Variants in TPRX1 observed in about 807,000 individuals in gnomAD.
TPRX1 encodes the protein tetra-peptide repeat homeobox protein 1.
In TPRX1, 2 loss-of-function variants were observed where a neutral mutation model predicts 8.1. That is an observed-to-expected ratio of 0.25 (90% CI 0.10 to 0.78). The LOEUF is 0.78. TPRX1 is among the 30% of genes least tolerant of loss of function. The pLI is 0.70. For synonymous variants in TPRX1, 257 were observed against 254.1 expected (o/e 1.01, Z -0.11); for missense variants, 517 against 586.9 (o/e 0.88, Z 1.23).
At chr19:47,801,697 C>T (rs1266243445) in exon 4 of TPRX1, 8 of 1,513,502 alleles carry the variant, frequency 5.3e-6, no homozygotes, top group Non-Finnish European at 6.2e-6. Context: ...GATGCATTCA[C>T]TGCAGAAAGT....
rs1396712096 is a variant in TPRX1, at chr19:47,818,281, CCCAT to C, written c.151+183_151+186del. Among the ~76,000 whole-genome samples the C allele has an allele frequency of 2.3e-3, 244 of 106,524 alleles. 7 individuals carry two copies. Among genetic ancestry groups the C allele is most frequent in the African/African-American group, 0.012 (236 of 20,230 alleles). 69.9% of individuals were successfully genotyped at this position (106,524 alleles called of 152,430 possible). On this transcript the variant is annotated intron_variant, in intron 2 of 3. Transcript: ENST00000535759. ...CATCCATCCATCCATCCATCCATCA[CCCAT>C]CCATCCATCCATCCACCCATCCATC...
chr19:47,811,496 CTTTTTTTTT>C (rs34677329), intron 2 of TPRX1, among the ~76,000 whole-genome samples: 1 of 118,520 alleles, frequency 8.4e-6, no homozygotes, highest in South Asian at 2.8e-4. Flanking sequence ...TTCATGGCAA[CTTTTTTTTT>C]TTTTTTTTTT....
intron 2 of TPRX1, among the ~76,000 whole-genome samples, chr19:47,815,114 T>TTGTA (rs1555799970): frequency 1.6e-5 from 1 of 63,390 alleles, no homozygotes; most frequent in Admixed American, 2.4e-4. Flanking sequence ...AATAGATAAA[T>TTGTA]TATATATATA....
chr19:47,810,732 C>T (rs187666229), intron 2 of TPRX1, among the ~76,000 whole-genome samples: 6 of 152,158 alleles, frequency 3.9e-5, no homozygotes, highest in Middle Eastern at 6.8e-3. Context: ...GCTCCTGCCC[C>T]CAAGAGGCCC....
chr19:47,808,814 C>T (rs758102300), intron 2 of TPRX1, among the ~76,000 whole-genome samples: 2 of 152,122 alleles, frequency 1.3e-5, no homozygotes, highest in Non-Finnish European at 2.9e-5. Context: ...TGTGAATAAG[C>T]GCAGATATCA....
chr19:47,802,112 G>A (rs759620965), exon 4 of TPRX1: 6 of 1,586,890 alleles, frequency 3.8e-6, no homozygotes, highest in South Asian at 3.5e-5. Flanking sequence ...GGCTAGGCCT[G>A]GAAGTGAGCC....
exon 4 of TPRX1, chr19:47,802,522 G>A (rs777898358): frequency 1.3e-6 from 2 of 1,549,944 alleles, no homozygotes; most frequent in South Asian, 2.4e-5. Flanking sequence ...TTGGGCCTGG[G>A]ATCGGGGCTG....
intron 2 of TPRX1, among the ~76,000 whole-genome samples, chr19:47,817,627 C>T (rs116696915): frequency 0.06 from 9,130 of 152,234 alleles, 892 homozygotes; most frequent in African/African-American, 0.2. Flanking sequence ...GCTCTTCACC[C>T]CCGAGTCTGC....
chr19:47,808,921 C>A (rs1009952093), intron 2 of TPRX1, among the ~76,000 whole-genome samples: 1 of 152,198 alleles, frequency 6.6e-6, no homozygotes, highest in African/African-American at 2.4e-5. Flanking sequence ...CAGCCTCAGA[C>A]TATGGAATGC....
At chr19:47,813,594 T>C (rs62131908) in intron 2 of TPRX1, among the ~76,000 whole-genome samples, 39,950 of 151,528 alleles carry the variant, frequency 0.26, 5,724 homozygotes, top group Middle Eastern at 0.36. Flanking sequence ...CCCTTGGCAT[T>C]CCCCCACCCT....
chr19:47,812,238 C>T (rs893569001), intron 2 of TPRX1, among the ~76,000 whole-genome samples: 1 of 152,054 alleles, frequency 6.6e-6, no homozygotes, highest in Non-Finnish European at 1.5e-5. Context: ...AGAGAGTTAA[C>T]GGGTGCAGTC....
chr19:47,803,396 G>A (rs1353741461), intron 3 of TPRX1, 108 bp downstream of exon 2: 1 of 678,042 alleles, frequency 1.5e-6, no homozygotes, highest in African/African-American at 1.8e-5. Context: ...GGGACCCCTT[G>A]CGTGGCAGGG....
chr19:47,807,991 TCAA>T (rs1967749699), intron 2 of TPRX1, among the ~76,000 whole-genome samples: 1 of 151,814 alleles, frequency 6.6e-6, no homozygotes, highest in Non-Finnish European at 1.5e-5. Context: ...TGCAGTGGAG[TCAA>T]TCGAAACTCA....
At chr19:47,817,402 G>C (rs1187593452) in intron 2 of TPRX1, among the ~76,000 whole-genome samples, 1 of 152,182 alleles carries the variant, frequency 6.6e-6, no homozygotes, top group African/African-American at 2.4e-5. Context: ...GGCAGAGCCA[G>C]AGCTGGGCCA....
intron 2 of TPRX1, among the ~76,000 whole-genome samples, chr19:47,806,228 A>G (rs1967734234): frequency 6.9e-6 from 1 of 144,460 alleles, no homozygotes; most frequent in Admixed American, 6.9e-5. Flanking sequence ...TCTCAAAATA[A>G]ATAAAAGTGG....
exon 4 of TPRX1, chr19:47,801,895 G>A (rs781586748): frequency 1.2e-6 from 2 of 1,614,192 alleles, no homozygotes; most frequent in Middle Eastern, 1.7e-4. Context: ...GGTACTGAGA[G>A]GTCATGGTGG....
At chr19:47,803,106 C>A in intron 3 of TPRX1, 126 bp from the exon 3 acceptor site, 1 of 1,159,488 alleles carries the variant, frequency 8.6e-7, no homozygotes, top group Non-Finnish European at 1.2e-6. Context: ...CCCCACCCCA[C>A]CAAAAGAGGG....
chr19:47,803,668 G>A (rs2123712301), exon 3 of TPRX1: 1 of 1,010,854 alleles, frequency 9.9e-7, no homozygotes, highest in Non-Finnish European at 1.5e-6. Flanking sequence ...AGGGCCAGGG[G>A]AGGGCCTGGG....
chr19:47,814,286 C>T (rs949724839), intron 2 of TPRX1, among the ~76,000 whole-genome samples: 1 of 152,068 alleles, frequency 6.6e-6, no homozygotes, highest in Non-Finnish European at 1.5e-5. Context: ...AACTCCTGAA[C>T]TTAAGTGATC....
Sources: allele counts gnomAD v4.1 joint callset (sites outside exome capture counted in the v4.1 genomes callset), GRCh38; gene constraint gnomAD v4.1.1; transcripts MANE v1.5; gene names NCBI Gene and HGNC (gene_info 2026-07-23, HGNC 2026-07-21).